CGNL1: variants seen among roughly 807,000 people sequenced by gnomAD.
CGNL1 encodes the protein cingulin-like protein 1.
Under a neutral mutation model 141.2 loss-of-function variants are expected in CGNL1, and 132 were observed. The ratio of observed to expected loss-of-function variants is 0.93; its 90% CI spans 0.81 to 1.08. CGNL1 has a LOEUF of 1.08. Ranked by LOEUF, CGNL1 falls within the 50% of genes least tolerant of loss-of-function variation. The pLI is 0.00. For synonymous variants in CGNL1, 690 were observed against 622.1 expected, an observed-to-expected ratio of 1.11 and a Z score of -1.63; for missense variants, 1,870 against 1,588.6, an observed-to-expected ratio of 1.18 and a Z score of -3.01.
intron 10 of CGNL1, among the ~76,000 whole-genome samples, chr15:57,519,795 T>C (rs979197665): frequency 6.6e-6 from 1 of 152,178 alleles, no homozygotes. Flanking sequence ...TTGTACTCTA[T>C]AGGGATAAAC....
intron 1 of CGNL1, among the ~76,000 whole-genome samples, chr15:57,400,766 C>G (rs71478624): frequency 0.24 from 36,731 of 151,268 alleles, 4,616 homozygotes; most frequent in Middle Eastern, 0.28. Flanking sequence ...GCCTGTAATC[C>G]CAGTTACTTG....
chr15:57,419,228 C>A (rs1052713908), intron 1 of CGNL1, among the ~76,000 whole-genome samples: 2 of 152,106 alleles, frequency 1.3e-5, no homozygotes, highest in African/African-American at 4.8e-5. Context: ...CGCGCCTGGC[C>A]TCCCTTTTCT....
intron 6 of CGNL1, among the ~76,000 whole-genome samples, chr15:57,452,920 A>T (rs1433006260): frequency 6.6e-6 from 1 of 152,222 alleles, no homozygotes; most frequent in Non-Finnish European, 1.5e-5. Context: ...AGGACATTAT[A>T]TAATAAAAGC....
chr15:57,391,980 C>CA (rs113767713), intron 1 of CGNL1, among the ~76,000 whole-genome samples: 11 of 151,490 alleles, frequency 7.3e-5, no homozygotes, highest in Non-Finnish European at 1.3e-4. Context: ...CTTTCCCCCC[C>CA]CTCACCTGAC....
chr15:57,491,125 C>A (rs970490837), intron 8 of CGNL1, among the ~76,000 whole-genome samples: 11 of 152,028 alleles, frequency 7.2e-5, no homozygotes, highest in African/African-American at 2.7e-4. Flanking sequence ...AAAGTATGGA[C>A]TTTGGTTAAT....
intron 8 of CGNL1, among the ~76,000 whole-genome samples, chr15:57,516,455 C>G (rs2030805325): frequency 6.6e-6 from 1 of 152,146 alleles, no homozygotes; most frequent in African/African-American, 2.4e-5. Flanking sequence ...CTATGAAGAG[C>G]CAGAGAGTCA....
intron 1 of CGNL1, among the ~76,000 whole-genome samples, chr15:57,427,491 C>A (rs2062988653): frequency 6.6e-6 from 1 of 152,178 alleles, no homozygotes; most frequent in Non-Finnish European, 1.5e-5. Flanking sequence ...GGCTGCATGG[C>A]ATGGACGCTT....
intron 8 of CGNL1, among the ~76,000 whole-genome samples, chr15:57,495,292 A>G (rs577972981): frequency 1.6e-4 from 24 of 152,122 alleles, no homozygotes; most frequent in Middle Eastern, 3.4e-3. Flanking sequence ...CATGCCTTCC[A>G]GTTGGTGTTG....
intron 1 of CGNL1, among the ~76,000 whole-genome samples, chr15:57,402,228 T>C (rs1433711910): frequency 1.3e-5 from 2 of 152,206 alleles, no homozygotes; most frequent in African/African-American, 4.8e-5. Context: ...TTCTATTTCA[T>C]GTGAGAGCTG....
intron 1 of CGNL1, among the ~76,000 whole-genome samples, chr15:57,397,786 C>CTT (rs11386688): frequency 8.8e-4 from 130 of 147,378 alleles, no homozygotes; most frequent in South Asian, 2.2e-3. Context: ...TAAATTTCCT[C>CTT]TTTTTTTTTT....
At position 57,550,218 on chromosome 15, in the gene CGNL1, G is replaced by C. The variant is rs1173580899; in HGVS notation, c.*2728G>C. 6.6e-6 allele frequency: 1 copy of C among 152,406 alleles called. No homozygotes were observed. The highest frequency in any genetic ancestry group is 6.5e-5 in the Admixed American group (1 of 15,284). The allele number at this position is 152,406 out of a possible 1,614,324, so 9.4% of individuals were successfully genotyped here. A position where few individuals can be genotyped will look rare whatever the true frequency, so the allele number is the denominator to read the frequency against. ...GGAGTGGGAAGAGTTGAGACTGAAA[G>C]TTAAGAGAAGGGTTTTCAAGTCCCG... is the stretch of plus-strand genomic sequence containing the variant. On this transcript the variant is annotated 3_prime_UTR_variant, in exon 19 of 19. Transcript: ENST00000281282.
intron 8 of CGNL1, among the ~76,000 whole-genome samples, chr15:57,480,022 C>T (rs1183618524): frequency 1.3e-5 from 2 of 152,114 alleles, no homozygotes; most frequent in Non-Finnish European, 2.9e-5. Flanking sequence ...TTTTGGCTCA[C>T]GGTTATCCCA....
chr15:57,404,806 T>C (rs1195370746), intron 1 of CGNL1, among the ~76,000 whole-genome samples: 2 of 152,178 alleles, frequency 1.3e-5, no homozygotes. Context: ...CTATTAATCA[T>C]GTCAAGAGGG....
chr15:57,378,542 C>T (rs1463612787), intron 1 of CGNL1, among the ~76,000 whole-genome samples: 2 of 151,800 alleles, frequency 1.3e-5, no homozygotes, highest in Non-Finnish European at 2.9e-5. Context: ...CTACCATGCT[C>T]GGCTACTTTT....
In CGNL1 at chr15:57,518,258, G is replaced by A. The variant is rs1161573371; in HGVS notation, c.2611-135G>A. Reference sequence around the variant, plus strand: ...ACACGGCTGTTGTGTGCCACCTTGGGTCTGTGACAGGTGCATTGTGACCAT... The same window carrying A: ...ACACGGCTGTTGTGTGCCACCTTGGATCTGTGACAGGTGCATTGTGACCAT... On this transcript the variant is annotated intron_variant, in intron 9 of 18. Transcript: ENST00000281282. 7.7e-6 allele frequency: 5 copies of A among 651,972 alleles called. 1 individual carries two copies. Among genetic ancestry groups the A allele is most frequent in the Non-Finnish European group, 1.1e-5 (4 of 368,766 alleles). The allele number at this position is 651,972 out of a possible 1,614,324, so 40.4% of individuals were successfully genotyped here. A position where few individuals can be genotyped will look rare whatever the true frequency, so the allele number is the denominator to read the frequency against.
intron 12 of CGNL1, among the ~76,000 whole-genome samples, chr15:57,526,221 C>T (rs772308106): frequency 2.6e-5 from 4 of 151,874 alleles, no homozygotes; most frequent in African/African-American, 7.3e-5. Context: ...ATAAAGATGG[C>T]CCTTCCTGGA....
intron 1 of CGNL1, among the ~76,000 whole-genome samples, chr15:57,395,280 G>T (rs1222859479): frequency 6.6e-6 from 1 of 151,998 alleles, no homozygotes; most frequent in African/African-American, 2.4e-5. Flanking sequence ...AGTTCCTTCA[G>T]TTCCCAAATG....
intron 8 of CGNL1, among the ~76,000 whole-genome samples, chr15:57,505,966 G>C (rs1201145540): frequency 1.3e-5 from 2 of 152,214 alleles, no homozygotes; most frequent in African/African-American, 2.4e-5. Flanking sequence ...CAAATAACAA[G>C]ACTTCCGGGC....
At chr15:57,429,831 A>C (rs1444765977) in intron 1 of CGNL1, among the ~76,000 whole-genome samples, 1 of 152,160 alleles carries the variant, frequency 6.6e-6, no homozygotes. Context: ...TTTTTGAGAC[A>C]GGGTCTCTCA....
Sources: gnomAD v4.1 joint callset for allele counts (sites outside exome capture counted in the v4.1 genomes callset) on GRCh38, gnomAD v4.1.1 for gene constraint, MANE v1.5 for transcripts, NCBI Gene and HGNC (gene_info 2026-07-23, HGNC 2026-07-21) for gene names.